Variants in SYNDIG1L observed in about 807,000 individuals in gnomAD.
SYNDIG1L encodes the protein synapse differentiation inducing 1 like, also known as synapse differentiation-inducing gene protein 1-like.
SYNDIG1L carries 13 observed loss-of-function variants against 20.1 expected under a neutral mutation model. The ratio of observed to expected loss-of-function variants is 0.65; its 90% CI spans 0.42 to 1.03. The LOEUF (loss-of-function observed/expected upper bound fraction) is 1.03. SYNDIG1L is among the 50% of genes least tolerant of loss of function. SYNDIG1L has a pLI of 0.00. For synonymous variants in SYNDIG1L, 128 were observed against 129.3 expected (o/e 0.99, Z 0.07); for missense variants, 294 against 305.1 (o/e 0.96, Z 0.27).
chr14:74,454,424 G>A, the SYNDIG1L span, among the ~76,000 whole-genome samples: 597 of 152,300 alleles, frequency 3.9e-3, 7 homozygotes, highest in African/African-American at 0.014. Context: ...GACCCTGGCC[G>A]ATGGATGAAA....
chr14:74,456,887 C>T, the SYNDIG1L span, among the ~76,000 whole-genome samples: 1,681 of 152,180 alleles, frequency 0.011, 37 homozygotes, highest in African/African-American at 0.037. Context: ...GGAGTCAGGC[C>T]ACATGGGAGG....
At chr14:74,433,368 G>A in the SYNDIG1L span, among the ~76,000 whole-genome samples, 32 of 151,960 alleles carry the variant, frequency 2.1e-4, no homozygotes, top group Non-Finnish European at 4.3e-4. Flanking sequence ...CACTTGTTTA[G>A]ATAAATAATC....
intron 1 of SYNDIG1L, among the ~76,000 whole-genome samples, chr14:74,420,401 A>AAAG (rs2086212375): frequency 1.3e-5 from 2 of 151,494 alleles, no homozygotes; most frequent in Non-Finnish European, 2.9e-5. Flanking sequence ...AAAAAAAAAA[A>AAAG]AAAAAAATGC....
upstream of SYNDIG1L, among the ~76,000 whole-genome samples, chr14:74,430,624 T>C (rs1733093046): frequency 1.3e-5 from 2 of 152,126 alleles, no homozygotes; most frequent in Admixed American, 6.5e-5. Flanking sequence ...TTAGTAGAGA[T>C]GGGGTTCACC....
Position 74,407,510 on chromosome 14 carries a change from G to A in SYNDIG1L, c.*25C>T, listed in dbSNP as rs562194412. The stretch of plus-strand genomic sequence containing the variant: ...ACTGCTTCCTCAGGTGGGCAGGGGA[G>A]TCAGGATGCAGGCCCTACTGGCTAC... On this transcript the variant is annotated 3_prime_UTR_variant, in exon 4 of 4. Coordinates refer to ENST00000331628, the MANE Select transcript of SYNDIG1L (RefSeq NM_001105579.2). 2 of 1,612,762 alleles carry A rather than the reference G, an allele frequency of 1.2e-6. No individual in the cohort carries two copies. Among genetic ancestry groups the A allele is most frequent in the African/African-American group, 1.3e-5 (1 of 75,042 alleles).
At chr14:74,460,415 C>T in the SYNDIG1L span, among the ~76,000 whole-genome samples, 5 of 152,224 alleles carry the variant, frequency 3.3e-5, no homozygotes, top group African/African-American at 1.2e-4. Flanking sequence ...CCCCATTCCA[C>T]AGCCACCTCC....
At chr14:74,430,336 G>C (rs538865836), upstream of SYNDIG1L, among the ~76,000 whole-genome samples, 8 of 152,328 alleles carry the variant, frequency 5.3e-5, no homozygotes, top group African/African-American at 1.9e-4. Flanking sequence ...ATGTGTGAGA[G>C]GTTGGGGGTG....
In SYNDIG1L at chr14:74,407,698, G is replaced by T. The variant is rs758662262; in HGVS notation, c.559-5C>A. ...TTTGGAGATGGCCTTGCTGGTCTAGGGAGAGAGACATGCTGATGAACAGGA... is the reference window on the plus strand; with the variant it reads ...TTTGGAGATGGCCTTGCTGGTCTAGTGAGAGAGACATGCTGATGAACAGGA... On this transcript the variant is annotated splice_polypyrimidine_tract_variant and splice_region_variant and intron_variant, in intron 3 of 3. Transcript: ENST00000331628. The T allele has an allele frequency of 6.3e-7, 1 of 1,598,864 alleles. No individual in the cohort carries two copies. The highest frequency in any genetic ancestry group is 1.1e-5 in the South Asian group (1 of 88,074).
At chr14:74,455,519 A>C in the SYNDIG1L span, among the ~76,000 whole-genome samples, 7 of 151,168 alleles carry the variant, frequency 4.6e-5, no homozygotes, top group Admixed American at 1.3e-4. Flanking sequence ...TCCCGAGTTC[A>C]AGTGATTCTC....
the SYNDIG1L span, among the ~76,000 whole-genome samples, chr14:74,446,091 T>C: frequency 6.6e-6 from 1 of 152,174 alleles, no homozygotes; most frequent in Admixed American, 6.5e-5. Flanking sequence ...AAAATATTTT[T>C]AGTGATCAAG....
the SYNDIG1L span, among the ~76,000 whole-genome samples, chr14:74,472,982 T>G: frequency 6.6e-6 from 1 of 152,146 alleles, no homozygotes; most frequent in South Asian, 2.1e-4. Flanking sequence ...GGTCGGGACA[T>G]CACCAAGTAT....
intron 1 of SYNDIG1L, among the ~76,000 whole-genome samples, chr14:74,421,465 G>C (rs2086220913): frequency 6.6e-6 from 1 of 152,176 alleles, no homozygotes; most frequent in African/African-American, 2.4e-5. Context: ...AAGACTAGAG[G>C]AGAAAAATAA....
chr14:74,407,454 C>T lies in SYNDIG1L; in HGVS notation c.*81G>A. ...CACGGGATCATCTTCAGGGGCCGGGCCTTTCCATAGGGTCTGCAACTCCAA... is the reference window on the plus strand; with the variant it reads ...CACGGGATCATCTTCAGGGGCCGGGTCTTTCCATAGGGTCTGCAACTCCAA... On this transcript the variant is annotated 3_prime_UTR_variant, in exon 4 of 4. Coordinates refer to ENST00000331628, the MANE Select transcript of SYNDIG1L (RefSeq NM_001105579.2). 2 of 1,582,622 alleles carry T rather than the reference C, an allele frequency of 1.3e-6. No homozygotes were observed. Among genetic ancestry groups the T allele is most frequent in the Admixed American group, 3.4e-5 (2 of 59,268 alleles).
chr14:74,451,792 C>T, the SYNDIG1L span, among the ~76,000 whole-genome samples: 1 of 151,998 alleles, frequency 6.6e-6, no homozygotes, highest in South Asian at 2.1e-4. Flanking sequence ...GAGTTCGAGA[C>T]CAGCCTGGCC....
rs61734850 is a variant in SYNDIG1L at position 74,409,652 on chromosome 14, G to A, written c.93C>T (p.Ser31=). 6.7e-7 allele frequency: 1 copy of A among 1,495,878 alleles called. No individual in the cohort carries two copies. The highest frequency in any genetic ancestry group is 8.9e-7 in the Non-Finnish European group (1 of 1,123,320). The allele number at this position is 1,495,878 out of a possible 1,614,324, so 92.7% of individuals were successfully genotyped here. A position where few individuals can be genotyped will look rare whatever the true frequency, so the allele number is the denominator to read the frequency against. The change falls in exon 2 of 4, where the codon AGC becomes AGT. Residue 31 remains serine, a synonymous_variant. Transcript: ENST00000331628. The part of the protein sequence containing the change: ...GPYPYPETPP[S]WSCQEKLYSY... ...AGTAGAGCTTTTCCTGGCAGGACCA[G>A]CTGGGTGGGGTCTCCGGGTAGGGAT...
chr14:74,454,167 C>T, the SYNDIG1L span, among the ~76,000 whole-genome samples: 1 of 152,190 alleles, frequency 6.6e-6, no homozygotes, highest in Non-Finnish European at 1.5e-5. Flanking sequence ...AGAAGTTAAA[C>T]ATCTTCACTG....
At chr14:74,408,398 T>C (rs1249011214) in intron 2 of SYNDIG1L, among the ~76,000 whole-genome samples, 2 of 152,006 alleles carry the variant, frequency 1.3e-5, no homozygotes, top group Non-Finnish European at 2.9e-5. Context: ...ACTCCCTCTC[T>C]ACTGAAAATA....
At chr14:74,421,398 G>A (rs1294544401) in intron 1 of SYNDIG1L, among the ~76,000 whole-genome samples, 1 of 152,192 alleles carries the variant, frequency 6.6e-6, no homozygotes, top group Non-Finnish European at 1.5e-5. Context: ...GGACATGAAG[G>A]AGAGTCCCAG....
At chr14:74,447,976 C>T in the SYNDIG1L span, among the ~76,000 whole-genome samples, 41 of 151,992 alleles carry the variant, frequency 2.7e-4, no homozygotes, top group African/African-American at 9.9e-4. Context: ...TACTATAAAC[C>T]CCTAAGTAAG....
Sources: gnomAD v4.1 joint callset for allele counts (sites outside exome capture counted in the v4.1 genomes callset) on GRCh38, gnomAD v4.1.1 for gene constraint, MANE v1.5 for transcripts, NCBI Gene and HGNC (gene_info 2026-07-23, HGNC 2026-07-21) for gene names.